DNAH5: variants seen among roughly 807,000 people sequenced by gnomAD.
DNAH5 encodes dynein axonemal heavy chain 5.
Under a neutral mutation model 518.2 loss-of-function variants are expected in DNAH5, and 372 were observed. The observed-to-expected ratio is 0.72, with a 90% CI of 0.66 to 0.78. DNAH5 has a LOEUF of 0.78. Among genes scored for constraint, DNAH5 ranks in the 30% least tolerant of loss-of-function variants. The probability of loss-of-function intolerance (pLI) is 0.00; values close to 1 mark genes in which losing one functional copy is unlikely to be tolerated. For synonymous variants in DNAH5, 2,039 were observed against 2,025.9 expected (o/e 1.01, Z -0.17); for missense variants, 5,523 against 5,687.0 (o/e 0.97, Z 0.93).
chr5:13,844,841 T>C lies in DNAH5; in HGVS notation c.5267A>G (p.Glu1756Gly), dbSNP rs753820964. 4 of 1,614,230 alleles carry C rather than the reference T, an allele frequency of 2.5e-6. No individual in the cohort carries two copies. Among genetic ancestry groups the C allele is most frequent in the East Asian group, 2.2e-5 (1 of 44,886 alleles). ...FDNIKSVKFH[E>G]KIYDRILSIS... The stretch of plus-strand genomic sequence containing the variant: ...TGCCATTAGAATTAGGCGAACCTTT[T>C]CGTGGAACTTGACAGATTTAATGTT... Residue 1756 changes from glutamate (E) to glycine (G), a missense_variant, in exon 32 of 79, where the codon GAA becomes GGA. Physicochemically the swap from Glu to Gly is moderately conservative, Grantham distance 98 (BLOSUM62 -2). Coordinates refer to ENST00000265104, the MANE Select transcript of DNAH5 (RefSeq NM_001369.3).
chr5:13,695,095 T>G (rs1334682240), intron 78 of DNAH5, among the ~76,000 whole-genome samples: 1 of 152,232 alleles, frequency 6.6e-6, no homozygotes, highest in South Asian at 2.1e-4. Context: ...GGAAGCACTA[T>G]GCATGTATAC....
At chr5:13,898,413 T>C (rs1774174683) in intron 15 of DNAH5, 1 of 397,084 alleles carries the variant, frequency 2.5e-6, no homozygotes, top group African/African-American at 2.1e-5. Flanking sequence ...AGTTTCCTAA[T>C]GTGAAAGAGT....
At chr5:13,914,760 G>A in intron 9 of DNAH5, 118 bp from the exon 10 acceptor site, 5 of 1,062,044 alleles carry the variant, frequency 4.7e-6, no homozygotes, top group Non-Finnish European at 4.1e-6. Context: ...ACTTGAGCTT[G>A]GGTTTATTTT....
At chr5:13,779,983 A>T (rs927992969) in intron 53 of DNAH5, among the ~76,000 whole-genome samples, 6 of 152,116 alleles carry the variant, frequency 3.9e-5, no homozygotes, top group Admixed American at 2.0e-4. Context: ...ATGGTTTCCT[A>T]TTGCTCTGGG....
intron 35 of DNAH5, among the ~76,000 whole-genome samples, chr5:13,836,970 C>T (rs1274231510): frequency 6.6e-6 from 1 of 152,172 alleles, no homozygotes; most frequent in Non-Finnish European, 1.5e-5. Flanking sequence ...AACGTGGTAG[C>T]CTTCAGAGGC....
At chr5:13,791,948 C>A (rs1757063375) in intron 50 of DNAH5, 46 bp downstream of exon 50, 1 of 1,430,662 alleles carries the variant, frequency 7.0e-7, no homozygotes. Flanking sequence ...TAGAATATAT[C>A]ATTAATAGCA....
intron 38 of DNAH5, among the ~76,000 whole-genome samples, chr5:13,825,293 G>T (rs573170478): frequency 2.0e-4 from 30 of 152,186 alleles, no homozygotes; most frequent in Non-Finnish European, 3.4e-4. Context: ...GCAGTGAGCC[G>T]AGATAGCACT....
At chr5:13,850,412 T>A (rs1766665980) in intron 31 of DNAH5, among the ~76,000 whole-genome samples, 2 of 152,240 alleles carry the variant, frequency 1.3e-5, no homozygotes, top group Non-Finnish European at 2.9e-5. Flanking sequence ...TGAGGATGTT[T>A]ATACAGTCTT....
At chr5:13,836,024 G>A (rs116778657) in intron 35 of DNAH5, among the ~76,000 whole-genome samples, 5 of 152,208 alleles carry the variant, frequency 3.3e-5, no homozygotes, top group East Asian at 3.9e-4. Flanking sequence ...AGGGCTTCAG[G>A]GTTACTCCAG....
At position 13,796,536 on chromosome 5, in the gene DNAH5, C is replaced by A. The variant is rs548090190; in HGVS notation, c.7888-2478G>T. ...TCAAGGAGAACTACAAACCACTGCG[C>A]CACGAAATAAAAGAGGACACGAAAA... On this transcript the variant is annotated intron_variant, in intron 47 of 78. Transcript: ENST00000265104. 3.2e-3 allele frequency among the ~76,000 whole-genome samples: 486 copies of A among 152,114 alleles called. 3 individuals carry two copies. The highest frequency in any genetic ancestry group is 5.8e-3 in the Non-Finnish European group (393 of 67,996).
chr5:13,831,983 C>T (rs1020146115), intron 35 of DNAH5, among the ~76,000 whole-genome samples: 1 of 152,118 alleles, frequency 6.6e-6, no homozygotes, highest in African/African-American at 2.4e-5. Context: ...CAAGTCTTCT[C>T]ACTTTCCAGC....
chr5:13,810,213 C>T lies in DNAH5; in HGVS notation c.7455G>A (p.Val2485=), dbSNP rs543051361. Residue 2485 remains valine, a synonymous_variant, in exon 45 of 79, where the codon GTG becomes GTA. Transcript: ENST00000265104. Reference sequence around the variant, plus strand: ...CCCCCGCGCTCCACAGCAGCGCGAACACGAACAGCCGCCCCAGGTGAGCCT... The same window carrying T: ...CCCCCGCGCTCCACAGCAGCGCGAATACGAACAGCCGCCCCAGGTGAGCCT... ...VSQAHLGRLF[V]FALLWSAGAA... 5.2e-6 allele frequency: 8 copies of T among 1,550,518 alleles called. No individual in the cohort carries two copies. In the South Asian group the frequency reaches 8.3e-5, roughly 16 times the overall value.
intron 49 of DNAH5, among the ~76,000 whole-genome samples, chr5:13,792,586 T>C (rs902484788): frequency 5.9e-5 from 9 of 152,238 alleles, no homozygotes; most frequent in Admixed American, 5.9e-4. Flanking sequence ...TCATTGCCTT[T>C]CCACGCATTA....
chr5:13,740,055 G>T (rs1748208993), intron 65 of DNAH5, among the ~76,000 whole-genome samples: 1 of 151,950 alleles, frequency 6.6e-6, no homozygotes, highest in East Asian at 1.9e-4. Context: ...CCCAGCAAAT[G>T]GCAACACTAT....
chr5:13,735,771 A>T, intron 67 of DNAH5, 47 bp downstream of exon 67: 6 of 1,304,428 alleles, frequency 4.6e-6, no homozygotes, highest in Non-Finnish European at 6.7e-6. Context: ...TCATCATTTT[A>T]GTGCACAGAT....
Position 13,791,999 on chromosome 5 carries a change from GTTCCT to G in DNAH5, c.8438_8442del (p.Lys2813ThrfsTer3). On this transcript the variant is annotated frameshift_variant, in exon 50 of 79. Coordinates refer to ENST00000265104, the MANE Select transcript of DNAH5 (RefSeq NM_001369.3). LOFTEE classifies it high-confidence loss of function. ...CTTTCTTCAGTGTCACTTACATTTG[GTTCCT>G]TGATGACCTCTGAAGTAGTGTTCAG... 6.2e-7 allele frequency: 1 copy of G among 1,612,794 alleles called. No homozygotes were observed. Among genetic ancestry groups the G allele is most frequent in the South Asian group, 1.1e-5 (1 of 91,022 alleles).
chr5:13,767,106 G>C (rs1325507469), intron 58 of DNAH5, among the ~76,000 whole-genome samples: 1 of 151,802 alleles, frequency 6.6e-6, no homozygotes, highest in African/African-American at 2.4e-5. Flanking sequence ...GAAAAGGTTT[G>C]TATATATATA....
At chr5:13,706,972 T>C (rs1452180957) in intron 76 of DNAH5, among the ~76,000 whole-genome samples, 1 of 152,164 alleles carries the variant, frequency 6.6e-6, no homozygotes, top group Admixed American at 6.5e-5. Flanking sequence ...GGCACTCTTG[T>C]TTTCGTGCCC....
In DNAH5 at chr5:13,829,548, T is replaced by A; in HGVS notation, c.6406A>T (p.Thr2136Ser). ...DNVVLARKFF[T>S]LYKLCEEQLS... ...TGCTCCTCACACAGTTTGTAGAGCG[T>A]GAAAAACTTCCTGGCCAAAACAACG... is the stretch of plus-strand genomic sequence containing the variant. Residue 2136 changes from threonine (T) to serine (S), a missense_variant, in exon 38 of 79, where the codon ACG (threonine) becomes TCG (serine). This residue lies in a region of DNAH5 where 5,121 missense variants were observed against 5,223.3 expected (regional missense o/e 0.98). Coordinates refer to ENST00000265104, the MANE Select transcript of DNAH5 (RefSeq NM_001369.3). The A allele has an allele frequency of 6.2e-7, 1 of 1,614,102 alleles. No homozygotes were observed. Among genetic ancestry groups the A allele is most frequent in the South Asian group, 1.1e-5 (1 of 91,080 alleles).
Sources: allele counts gnomAD v4.1 joint callset (sites outside exome capture counted in the v4.1 genomes callset), GRCh38; gene constraint gnomAD v4.1.1; regional missense constraint gnomAD v4.1.1; transcripts MANE v1.5; gene names NCBI Gene and HGNC (gene_info 2026-07-23, HGNC 2026-07-21).